Variants in DAB1 observed in about 807,000 individuals in gnomAD.
The protein encoded by DAB1 is disabled homolog 1.
In DAB1, 15 loss-of-function variants were observed where a neutral mutation model predicts 64.6. The ratio of observed to expected loss-of-function variants is 0.23; its 90% CI spans 0.16 to 0.36. The LOEUF (loss-of-function observed/expected upper bound fraction) is 0.36. Ranked by LOEUF, DAB1 falls within the 10% of genes least tolerant of loss-of-function variation. The probability of loss-of-function intolerance (pLI) is 1.00; values close to 1 mark genes in which losing one functional copy is unlikely to be tolerated. For synonymous variants in DAB1, 235 were observed against 251.9 expected, an observed-to-expected ratio of 0.93 and a Z score of 0.64; for missense variants, 596 against 706.7, an observed-to-expected ratio of 0.84 and a Z score of 1.78.
At chr1:57,786,668 C>G (rs1022660973) in intron 6 of DAB1, among the ~76,000 whole-genome samples, 3 of 152,020 alleles carry the variant, frequency 2.0e-5, no homozygotes, top group Non-Finnish European at 4.4e-5. Flanking sequence ...GACACTGAAC[C>G]GTGGAAAACC....
intron 6 of DAB1, among the ~76,000 whole-genome samples, chr1:57,668,283 T>C (rs1646472186): frequency 6.6e-6 from 1 of 152,142 alleles, no homozygotes; most frequent in Non-Finnish European, 1.5e-5. Flanking sequence ...ATATGTGGCT[T>C]GCATTATACT....
chr1:57,030,263 G>C (rs1646926429), intron 9 of DAB1, among the ~76,000 whole-genome samples: 1 of 152,204 alleles, frequency 6.6e-6, no homozygotes, highest in African/African-American at 2.4e-5. Context: ...CCTCTCCCCA[G>C]ACAAGTGGAA....
chr1:58,330,119 A>C (rs899677734), intron 4 of DAB1, among the ~76,000 whole-genome samples: 3 of 152,236 alleles, frequency 2.0e-5, no homozygotes, highest in Admixed American at 6.5e-5. Context: ...AAGTTCTTCA[A>C]GGAAATTAGA....
chr1:57,220,532 C>G (rs996943981), intron 2 of DAB1, among the ~76,000 whole-genome samples: 3 of 152,106 alleles, frequency 2.0e-5, no homozygotes, highest in African/African-American at 7.2e-5. Context: ...ATTGTACAAC[C>G]AGGGAAACAG....
chr1:57,976,949 A>G (rs1357595625), intron 5 of DAB1, among the ~76,000 whole-genome samples: 1 of 152,156 alleles, frequency 6.6e-6, no homozygotes, highest in Non-Finnish European at 1.5e-5. Context: ...GATTACCACA[A>G]TAAGATGCCT....
chr1:57,448,288 A>AT (rs1042477577), intron 7 of DAB1, among the ~76,000 whole-genome samples: 52 of 152,288 alleles, frequency 3.4e-4, no homozygotes, highest in Admixed American at 1.0e-3. Context: ...CAGTTGTCAT[A>AT]TTTTTCCACA....
At chr1:57,190,718 C>T (rs1664052717) in intron 2 of DAB1, among the ~76,000 whole-genome samples, 1 of 152,100 alleles carries the variant, frequency 6.6e-6, no homozygotes, top group Non-Finnish European at 1.5e-5. Flanking sequence ...TCCCCCGCAC[C>T]ACCACCACCA....
At chr1:57,310,174 GA>G (rs1196229635) in intron 1 of DAB1, among the ~76,000 whole-genome samples, 14 of 152,170 alleles carry the variant, frequency 9.2e-5, no homozygotes, top group African/African-American at 3.1e-4. Flanking sequence ...GTGTTATGAA[GA>G]AAAGTAAGGA....
At chr1:57,980,215 C>A (rs1451814947) in intron 5 of DAB1, among the ~76,000 whole-genome samples, 1 of 152,122 alleles carries the variant, frequency 6.6e-6, no homozygotes, top group African/African-American at 2.4e-5. Flanking sequence ...ACCACTACCA[C>A]ACACTCTCAG....
At chr1:58,140,760 G>T (rs1471243110) in intron 5 of DAB1, among the ~76,000 whole-genome samples, 1 of 152,104 alleles carries the variant, frequency 6.6e-6, no homozygotes, top group Non-Finnish European at 1.5e-5. Flanking sequence ...TTAAATAAAT[G>T]AATAAATCAC....
At chr1:57,877,063 A>G (rs1644059237) in intron 1 of DAB1, among the ~76,000 whole-genome samples, 1 of 152,136 alleles carries the variant, frequency 6.6e-6, no homozygotes, top group African/African-American at 2.4e-5. Flanking sequence ...ATGTATAGAT[A>G]TATGTATACA....
chr1:57,081,880 A>G (rs981417778), intron 4 of DAB1, among the ~76,000 whole-genome samples: 1 of 152,252 alleles, frequency 6.6e-6, no homozygotes, highest in African/African-American at 2.4e-5. Flanking sequence ...GCTATTAAAA[A>G]AACAAGATTT....
intron 4 of DAB1, among the ~76,000 whole-genome samples, chr1:58,192,003 T>C (rs1190744070): frequency 6.6e-6 from 1 of 152,228 alleles, no homozygotes; most frequent in Non-Finnish European, 1.5e-5. Context: ...AAGGGAGTAT[T>C]ATTATTCCCA....
At chr1:57,128,512 G>A (rs1657357713) in intron 4 of DAB1, among the ~76,000 whole-genome samples, 2 of 152,136 alleles carry the variant, frequency 1.3e-5, no homozygotes, top group South Asian at 4.1e-4. Flanking sequence ...ATGCCACAGT[G>A]ACAAAATTAA....
intron 2 of DAB1, among the ~76,000 whole-genome samples, chr1:57,204,891 A>G (rs556388285): frequency 6.6e-6 from 1 of 152,310 alleles, no homozygotes; most frequent in East Asian, 1.9e-4. Context: ...ATTCTTCTTC[A>G]ACCTCCACCT....
chr1:58,447,616 G>A (rs976034077), intron 3 of DAB1, among the ~76,000 whole-genome samples: 5 of 152,080 alleles, frequency 3.3e-5, no homozygotes, highest in Non-Finnish European at 5.9e-5. Flanking sequence ...ACAAACGCTC[G>A]TCAGTGCTAT....
intron 5 of DAB1, among the ~76,000 whole-genome samples, chr1:57,999,538 GC>G (rs1646476018): frequency 4.6e-5 from 7 of 152,206 alleles, no homozygotes; most frequent in Admixed American, 1.3e-4. Context: ...ACAGACTAGA[GC>G]CTCTCTCAAC....
intron 1 of DAB1, among the ~76,000 whole-genome samples, chr1:57,841,991 G>A (rs1024076928): frequency 6.6e-6 from 1 of 152,140 alleles, no homozygotes; most frequent in Admixed American, 6.5e-5. Flanking sequence ...TTTATGCTCT[G>A]CTTCCTTTTT....
chr1:57,347,171 AC>A (rs1459680926), intron 1 of DAB1, among the ~76,000 whole-genome samples: 1 of 152,174 alleles, frequency 6.6e-6, no homozygotes. Context: ...GCTTATACAA[AC>A]TAGGAGAGGA....
Sources: gnomAD v4.1 joint callset for allele counts (sites outside exome capture counted in the v4.1 genomes callset) on GRCh38, gnomAD v4.1.1 for gene constraint, MANE v1.5 for transcripts, NCBI Gene and HGNC (gene_info 2026-07-23, HGNC 2026-07-21) for gene names.